RPH3A: variants seen among roughly 807,000 people sequenced by gnomAD.
RPH3A encodes the protein rabphilin-3A.
RPH3A carries 48 observed loss-of-function variants against 102.2 expected under a neutral mutation model. The observed-to-expected ratio is 0.47, with a 90% CI of 0.37 to 0.60. The LOEUF (loss-of-function observed/expected upper bound fraction) is 0.60, where lower values mean the gene tolerates loss of function less well. Ranked by LOEUF, RPH3A falls within the 20% of genes least tolerant of loss-of-function variation. The probability of loss-of-function intolerance (pLI) is 0.00; values close to 1 mark genes in which losing one functional copy is unlikely to be tolerated. For synonymous variants in RPH3A, 310 were observed against 324.3 expected, an observed-to-expected ratio of 0.96 and a Z score of 0.47; for missense variants, 781 against 910.1, an observed-to-expected ratio of 0.86 and a Z score of 1.83.
At chr12:112,840,289 C>T (rs527857503) in intron 4 of RPH3A, among the ~76,000 whole-genome samples, 39 of 152,104 alleles carry the variant, frequency 2.6e-4, no homozygotes, top group African/African-American at 6.3e-4. Flanking sequence ...AATAGAAATA[C>T]GCATCACCTC....
At chr12:112,578,722 G>A (rs2039376002) in intron 1 of RPH3A, among the ~76,000 whole-genome samples, 1 of 152,202 alleles carries the variant, frequency 6.6e-6, no homozygotes, top group Admixed American at 6.5e-5. Context: ...ACAGCTGGGA[G>A]TTGCAAAGTC....
Position 112,616,422 on chromosome 12 carries a change from C to G in RPH3A, c.-140+41103C>G, listed in dbSNP as rs187225790. On this transcript the variant is annotated intron_variant, in intron 1 of 21. Coordinates refer to the RPH3A transcript ENST00000543106. Reference sequence around the variant, plus strand: ...TCGGCCTCCCAAAGTGCTGGGATTGCAGGTGTGAGCCACCGCGCGCAGTCT... The same window carrying G: ...TCGGCCTCCCAAAGTGCTGGGATTGGAGGTGTGAGCCACCGCGCGCAGTCT... Among the ~76,000 whole-genome samples, 289 of 152,322 alleles carry G rather than the reference C, an allele frequency of 1.9e-3. 4 individuals are homozygous for G. Among genetic ancestry groups the G allele is most frequent in the South Asian group, 2.7e-3 (13 of 4,830 alleles).
intron 1 of RPH3A, among the ~76,000 whole-genome samples, chr12:112,773,689 C>T (rs961786856): frequency 3.3e-5 from 5 of 151,430 alleles, no homozygotes; most frequent in Admixed American, 3.3e-4. Flanking sequence ...ATTTCATTGC[C>T]TACCTCACCA....
At chr12:112,828,447 T>G (rs558682760) in intron 3 of RPH3A, 58 bp downstream of exon 3, 3 of 1,274,574 alleles carry the variant, frequency 2.4e-6, no homozygotes, top group African/African-American at 3.1e-5. Flanking sequence ...GTTTTGACAA[T>G]TCTACACTTG....
intron 1 of RPH3A, among the ~76,000 whole-genome samples, chr12:112,649,802 G>A (rs553705169): frequency 6.6e-6 from 1 of 152,322 alleles, no homozygotes; most frequent in East Asian, 1.9e-4. Context: ...GGTGTCAGCA[G>A]GGTTGGTTTC....
intron 1 of RPH3A, among the ~76,000 whole-genome samples, chr12:112,612,456 C>G (rs1318733602): frequency 6.6e-6 from 1 of 152,002 alleles, no homozygotes; most frequent in Non-Finnish European, 1.5e-5. Context: ...AACTTTTCAC[C>G]TGTGATTGGG....
chr12:112,890,351 C>G (rs2043072347), intron 18 of RPH3A, among the ~76,000 whole-genome samples: 2 of 152,184 alleles, frequency 1.3e-5, no homozygotes, highest in South Asian at 4.1e-4. Context: ...ATTCTACTGA[C>G]TAGGGCAATG....
At chr12:112,679,368 T>G (rs1327691891) in intron 1 of RPH3A, among the ~76,000 whole-genome samples, 1 of 152,078 alleles carries the variant, frequency 6.6e-6, no homozygotes, top group Non-Finnish European at 1.5e-5. Flanking sequence ...TTAGTCAGGA[T>G]GGTCTCAATC....
At chr12:112,691,885 T>C (rs1355968638) in intron 1 of RPH3A, among the ~76,000 whole-genome samples, 1 of 152,188 alleles carries the variant, frequency 6.6e-6, no homozygotes, top group Non-Finnish European at 1.5e-5. Flanking sequence ...AGATGAGAAA[T>C]TGAGGTTCAG....
At chr12:112,829,625 A>C (rs2041935928) in intron 3 of RPH3A, among the ~76,000 whole-genome samples, 1 of 152,096 alleles carries the variant, frequency 6.6e-6, no homozygotes, top group South Asian at 2.1e-4. Flanking sequence ...TGTTTCCCTA[A>C]ACTTGGTCAT....
intron 1 of RPH3A, among the ~76,000 whole-genome samples, chr12:112,694,544 G>A (rs977555240): frequency 1.2e-4 from 18 of 151,890 alleles, no homozygotes; most frequent in South Asian, 4.2e-4. Context: ...AGATGAGGGC[G>A]GGGAAAAAGA....
chr12:112,619,989 G>A (rs1457957390), intron 1 of RPH3A, among the ~76,000 whole-genome samples: 1 of 152,194 alleles, frequency 6.6e-6, no homozygotes, highest in Non-Finnish European at 1.5e-5. Flanking sequence ...GACACCTCAA[G>A]CTTCAGGTGT....
intron 2 of RPH3A, among the ~76,000 whole-genome samples, chr12:112,796,013 G>A (rs1001963912): frequency 6.6e-6 from 1 of 152,180 alleles, no homozygotes; most frequent in African/African-American, 2.4e-5. Flanking sequence ...GACAAAGCTT[G>A]GAGACAGGAG....
chr12:112,864,313 T>C (rs11834056), intron 5 of RPH3A, among the ~76,000 whole-genome samples: 3,058 of 152,208 alleles, frequency 0.02, 127 homozygotes, highest in African/African-American at 0.069. Flanking sequence ...TAGCCCAGCA[T>C]GGCAGTGTGT....
At chr12:112,867,542 C>A (rs931492780) in intron 7 of RPH3A, among the ~76,000 whole-genome samples, 2 of 152,132 alleles carry the variant, frequency 1.3e-5, no homozygotes, top group African/African-American at 4.8e-5. Flanking sequence ...AAGGTCCGGG[C>A]AGAACTAAGA....
chr12:112,712,964 T>TTCTTCTTCTTC lies in RPH3A; in HGVS notation c.-139-79178_-139-79177insCTTCTTCTTCT, dbSNP rs1417742814. Among the ~76,000 whole-genome samples, 12 of 70,312 alleles carry TTCTTCTTCTTC rather than the reference T, an allele frequency of 1.7e-4. 1 individual carries two copies. The highest frequency in any genetic ancestry group is 6.1e-4 in the African/African-American group (11 of 17,918). 46.1% of individuals were successfully genotyped at this position (70,312 alleles called of 152,430 possible). On this transcript the variant is annotated intron_variant, in intron 1 of 21. Coordinates refer to the RPH3A transcript ENST00000543106. ...CTTCTTCTTCTTCTTCTTCTTCTTC[T>TTCTTCTTCTTC]TTCTTCTTCTTTCTTCTTCGTCGTC...
chr12:112,838,145 G>A (rs2136172252), intron 4 of RPH3A, among the ~76,000 whole-genome samples: 1 of 152,356 alleles, frequency 6.6e-6, no homozygotes, highest in Middle Eastern at 3.4e-3. Context: ...ACCTGAGGGT[G>A]ATGATGGAGA....
intron 1 of RPH3A, among the ~76,000 whole-genome samples, chr12:112,722,144 G>A (rs2040555942): frequency 1.3e-5 from 2 of 152,330 alleles, no homozygotes; most frequent in South Asian, 4.2e-4. Context: ...ATTGAAGGTT[G>A]ATTGGGAGAG....
chr12:112,623,992 A>G (rs2135982125), intron 1 of RPH3A, among the ~76,000 whole-genome samples: 1 of 142,882 alleles, frequency 7.0e-6, no homozygotes, highest in East Asian at 2.1e-4. Flanking sequence ...GCAGAAATAA[A>G]GATGTTCTTT....
Sources: allele counts gnomAD v4.1 joint callset (sites outside exome capture counted in the v4.1 genomes callset), GRCh38; gene constraint gnomAD v4.1.1; transcripts MANE v1.5; gene names NCBI Gene and HGNC (gene_info 2026-07-23, HGNC 2026-07-21).